COL19A1: variants seen among roughly 807,000 people sequenced by gnomAD.
COL19A1 encodes the protein collagen type XIX alpha 1 chain, also known as collagen alpha-1(XIX) chain.
A neutral mutation model predicts 190.2 loss-of-function variants in COL19A1; 159 were observed. That is an observed-to-expected ratio of 0.84 (90% CI 0.73 to 0.95). The LOEUF is 0.95. Among genes scored for constraint, COL19A1 ranks in the 40% least tolerant of loss-of-function variants. The pLI is 0.00. For synonymous variants in COL19A1, 509 were observed against 458.9 expected (o/e 1.11, Z -1.39); for missense variants, 1,418 against 1,431.9 (o/e 0.99, Z 0.16).
chr6:70,115,832 T>G (rs1784539460), intron 16 of COL19A1, among the ~76,000 whole-genome samples: 1 of 140,532 alleles, frequency 7.1e-6, no homozygotes, highest in Non-Finnish European at 1.6e-5. Context: ...TTTGTTTTTT[T>G]TTTTTTTTTT....
intron 15 of COL19A1, among the ~76,000 whole-genome samples, chr6:70,083,073 C>A (rs1221661924): frequency 2.6e-5 from 4 of 152,168 alleles, no homozygotes; most frequent in African/African-American, 7.2e-5. Flanking sequence ...GGGTTGGGGA[C>A]CCCTGCCCTA....
At chr6:69,939,928 T>G (rs1366407069) in intron 9 of COL19A1, among the ~76,000 whole-genome samples, 1 of 152,180 alleles carries the variant, frequency 6.6e-6, no homozygotes, top group Non-Finnish European at 1.5e-5. Context: ...GGCTTAATTT[T>G]TGGTGACTGT....
At chr6:70,108,514 G>C (rs1784102730) in intron 16 of COL19A1, among the ~76,000 whole-genome samples, 1 of 152,084 alleles carries the variant, frequency 6.6e-6, no homozygotes, top group Admixed American at 6.6e-5. Context: ...CAGAGGAATG[G>C]AAATTTTTCG....
At chr6:70,042,406 A>T (rs1236462328) in intron 14 of COL19A1, among the ~76,000 whole-genome samples, 1 of 152,218 alleles carries the variant, frequency 6.6e-6, no homozygotes, top group Non-Finnish European at 1.5e-5. Context: ...TAAAATGTGC[A>T]ATTTATATTA....
chr6:69,940,850 G>A (rs1218917698), intron 9 of COL19A1, among the ~76,000 whole-genome samples: 2 of 152,076 alleles, frequency 1.3e-5, no homozygotes, highest in Non-Finnish European at 2.9e-5. Flanking sequence ...AAACATGGAT[G>A]TATTGTTTCA....
chr6:69,970,660 A>G (rs1562046652), intron 11 of COL19A1, among the ~76,000 whole-genome samples: 1 of 152,190 alleles, frequency 6.6e-6, no homozygotes, highest in Non-Finnish European at 1.5e-5. Context: ...GCAACTGTCT[A>G]CATGTTACCT....
intron 35 of COL19A1, among the ~76,000 whole-genome samples, chr6:70,162,845 C>T (rs147552707): frequency 1.3e-5 from 2 of 152,148 alleles, no homozygotes; most frequent in East Asian, 1.9e-4. Context: ...AAATTAAAAA[C>T]GATGAAAAAG....
intron 14 of COL19A1, chr6:70,059,897 C>A (rs3793043): frequency 1.2e-5 from 4 of 344,350 alleles, no homozygotes; most frequent in Admixed American, 4.2e-5. Flanking sequence ...CATTGATAGG[C>A]ATTTTTCATC....
chr6:69,979,557 T>C (rs535876325), intron 11 of COL19A1, among the ~76,000 whole-genome samples: 1 of 151,872 alleles, frequency 6.6e-6, no homozygotes, highest in South Asian at 2.1e-4. Flanking sequence ...AGGGCAAAAA[T>C]AGATTAGAAA....
intron 15 of COL19A1, among the ~76,000 whole-genome samples, chr6:70,099,323 A>G (rs1783483451): frequency 6.6e-6 from 1 of 152,114 alleles, no homozygotes; most frequent in South Asian, 2.1e-4. Context: ...TTTGAGCAAC[A>G]ACATGGCACC....
At chr6:69,909,404 T>A (rs1041243881) in intron 4 of COL19A1, among the ~76,000 whole-genome samples, 5 of 151,984 alleles carry the variant, frequency 3.3e-5, no homozygotes, top group Non-Finnish European at 7.4e-5. Context: ...AAGCATACAG[T>A]TAATGCTTTA....
At chr6:69,876,871 A>G (rs1486241679) in intron 1 of COL19A1, among the ~76,000 whole-genome samples, 1 of 152,220 alleles carries the variant, frequency 6.6e-6, no homozygotes, top group Non-Finnish European at 1.5e-5. Flanking sequence ...CTATATCTAG[A>G]TGAGAGAATT....
intron 11 of COL19A1, among the ~76,000 whole-genome samples, chr6:69,988,366 G>A (rs1241171982): frequency 6.6e-6 from 1 of 152,170 alleles, no homozygotes; most frequent in Non-Finnish European, 1.5e-5. Flanking sequence ...TTAGTGCTTA[G>A]GATTTTGCAT....
At chr6:70,206,088 T>C (rs4707687) in intron 49 of COL19A1, among the ~76,000 whole-genome samples, 95,929 of 152,064 alleles carry the variant, frequency 0.63, 31,341 homozygotes, top group Middle Eastern at 0.71. Context: ...TTGCTATCAT[T>C]TATTAGAATC....
At chr6:69,867,242 T>C (rs1302876493) in intron 1 of COL19A1, among the ~76,000 whole-genome samples, 1 of 152,070 alleles carries the variant, frequency 6.6e-6, no homozygotes, top group Admixed American at 6.5e-5. Context: ...GTGCGGCTTC[T>C]GGGGGGCGGC....
Position 70,144,291 on chromosome 6 carries a change from A to G in COL19A1, c.1680+28A>G, listed in dbSNP as rs9364074. 705,432 of 1,591,048 alleles carry G rather than the reference A, an allele frequency of 0.44. 158,645 individuals carry two copies. Among genetic ancestry groups the G allele is most frequent in the African/African-American group, 0.58 (42,832 of 74,380 alleles). The stretch of plus-strand genomic sequence containing the variant: ...ATAGTTTACATTTTCCTCATTTTAT[A>G]TGTTAAGTAGATAGGAGGAAGAGAC... On this transcript the variant is annotated intron_variant, in intron 24 of 50. Coordinates refer to ENST00000620364, the MANE Select transcript of COL19A1 (RefSeq NM_001858.6).
intron 1 of COL19A1, among the ~76,000 whole-genome samples, chr6:69,879,038 TG>T (rs1409730745): frequency 6.6e-6 from 1 of 152,124 alleles, no homozygotes; most frequent in African/African-American, 2.4e-5. Flanking sequence ...TGCTTGGAGT[TG>T]GGGGAGAGGA....
At chr6:69,889,546 G>C (rs1769184778) in intron 2 of COL19A1, among the ~76,000 whole-genome samples, 1 of 152,112 alleles carries the variant, frequency 6.6e-6, no homozygotes, top group Non-Finnish European at 1.5e-5. Context: ...GCACTAATCT[G>C]CGCTCTATGT....
intron 11 of COL19A1, among the ~76,000 whole-genome samples, chr6:69,964,221 T>A (rs1774966345): frequency 6.6e-6 from 1 of 152,204 alleles, no homozygotes; most frequent in Non-Finnish European, 1.5e-5. Context: ...AACTACATGA[T>A]AATTACTTTT....
Sources: allele counts gnomAD v4.1 joint callset (sites outside exome capture counted in the v4.1 genomes callset), GRCh38; gene constraint gnomAD v4.1.1; transcripts MANE v1.5; gene names NCBI Gene and HGNC (gene_info 2026-07-23, HGNC 2026-07-21).